Variants in TSPAN32 observed in about 807,000 individuals in gnomAD.
The protein encoded by TSPAN32 is tetraspanin 32.
A neutral mutation model predicts 42.7 loss-of-function variants in TSPAN32; 47 were observed. That is an observed-to-expected ratio of 1.10 (90% CI 0.87 to 1.40). TSPAN32 has a LOEUF of 1.40. Among genes scored for constraint, TSPAN32 ranks in the 40% most tolerant of loss-of-function variants. The pLI is 0.00. For missense variants in TSPAN32, 469 were observed against 424.1 expected, an observed-to-expected ratio of 1.11 and a Z score of -0.93; for synonymous variants, 175 against 175.9, an observed-to-expected ratio of 0.99 and a Z score of 0.04.
chr11:2,304,405 C>T lies in TSPAN32; in HGVS notation c.279+201C>T, dbSNP rs1049154475. Among the ~76,000 whole-genome samples the T allele has an allele frequency of 2.6e-5, 4 of 152,028 alleles. No homozygotes were observed. The highest frequency in any genetic ancestry group is 6.5e-5 in the Admixed American group (1 of 15,274). On this transcript the variant is annotated intron_variant, in intron 3 of 9. Transcript: ENST00000182290. This position sits in a 1 kb window ranked among gnomAD's most constrained non-coding sequence, Gnocchi z 4.8. ...GAAACAGAGGCCCCAGGGATGCTAG[C>T]CAGCCGAGACCCCCTACCTGGGTAG...
chr11:2,305,378 C>CCA (rs1554938646), intron 3 of TSPAN32, among the ~76,000 whole-genome samples: 2 of 151,414 alleles, frequency 1.3e-5, no homozygotes, highest in Non-Finnish European at 3.0e-5. Context: ...CTGCCCCCCC[C>CCA]CCCAGAGGGT....
chr11:2,315,035 G>GCGAGGCTGGAGGGTCGGCA (rs1554942189), intron 6 of TSPAN32: 2 of 165,488 alleles, frequency 1.2e-5, no homozygotes, highest in African/African-American at 4.4e-4. Flanking sequence ...AGGAGAAGAA[G>GCGAGGCTGGAGGGTCGGCA]TAGGCCAGGG....
At chr11:2,305,761 A>G (rs975740352) in intron 3 of TSPAN32, among the ~76,000 whole-genome samples, 7 of 152,102 alleles carry the variant, frequency 4.6e-5, no homozygotes, top group Admixed American at 6.5e-5. Flanking sequence ...GAGGCCCCCA[A>G]CTGGATGCCT....
chr11:2,309,500 A>G, intron 4 of TSPAN32: 2 of 392,644 alleles, frequency 5.1e-6, no homozygotes, highest in Non-Finnish European at 1.1e-5. Context: ...TCCCCTTGAG[A>G]GCCAGACCTG....
Position 2,317,565 on chromosome 11 carries a change from A to C in TSPAN32, c.901+40A>C. ...GCTGTCAGCCCTCATGGGATCCCTG[A>C]GGGGAGGGTCCGAGCTGTGAGGAGG... On this transcript the variant is annotated intron_variant, in intron 9 of 9. Coordinates refer to ENST00000182290, the MANE Select transcript of TSPAN32 (RefSeq NM_139022.3). This position sits in a 1 kb window ranked among gnomAD's most constrained non-coding sequence, Gnocchi z 6.2. 6.5e-7 allele frequency: 1 copy of C among 1,542,566 alleles called. No homozygotes were observed. Among genetic ancestry groups the C allele is most frequent in the Non-Finnish European group, 8.7e-7 (1 of 1,148,728 alleles).
In TSPAN32 at chr11:2,302,829, C is replaced by T. The variant is rs754676375; in HGVS notation, c.67-15C>T. 4 of 1,608,968 alleles carry T rather than the reference C, an allele frequency of 2.5e-6. No homozygotes were observed. The South Asian group carries it at 4.4e-5, about 18-fold the overall frequency. On this transcript the variant is annotated splice_polypyrimidine_tract_variant and intron_variant, in intron 1 of 9. Transcript: ENST00000182290. ...CAGTCCCATGCCCCACACTCTGAGT[C>T]TGCCCTATCCACAGCTGCTGGGCCT... is the stretch of plus-strand genomic sequence containing the variant.
chr11:2,312,075 G>C (rs1052203590), intron 4 of TSPAN32, among the ~76,000 whole-genome samples: 2 of 152,110 alleles, frequency 1.3e-5, no homozygotes, highest in Non-Finnish European at 2.9e-5. Flanking sequence ...GCCAGGCAGG[G>C]CAGGCAGAGC....
At chr11:2,302,251 G>A in intron 1 of TSPAN32, 36 bp downstream of exon 1, 1 of 1,379,172 alleles carries the variant, frequency 7.3e-7, no homozygotes, top group Non-Finnish European at 9.4e-7. Flanking sequence ...GGTGGTGGGT[G>A]GGGGTGAGCA....
In TSPAN32 at chr11:2,308,459, GC is replaced by G. The variant is rs1290833615; in HGVS notation, c.280-272del. ...AGTGACCAGCCCCCCGCAATGACCA[GC>G]CCCCAACAGTGACCAGCCCCCCATA... On this transcript the variant is annotated intron_variant, in intron 3 of 9. Coordinates refer to ENST00000182290, the MANE Select transcript of TSPAN32 (RefSeq NM_139022.3). Among the ~76,000 whole-genome samples the G allele has an allele frequency of 7.2e-3, 284 of 39,220 alleles. 76 individuals carry two copies. The highest frequency in any genetic ancestry group is 0.031 in the African/African-American group (261 of 8,334). 25.7% of individuals were successfully genotyped at this position (39,220 alleles called of 152,430 possible).
Position 2,308,769 on chromosome 11 carries a change from C to G in TSPAN32, c.313C>G (p.Gln105Glu). The stretch of plus-strand genomic sequence containing the variant: ...GTGCTTCTCCCTGGCGTTCTGCGCA[C>G]AGGTGCAGGTGGTGTTCTGGAGACT... ...FLCFSLAFCA[Q>E]VQVVFWRLHS... Residue 105 changes from glutamine to glutamate, a missense_variant, in exon 4 of 10, where the codon CAG becomes GAG. Physicochemically the swap from Gln to Glu is conservative, Grantham distance 29. Coordinates refer to ENST00000182290, the MANE Select transcript of TSPAN32 (RefSeq NM_139022.3). 1 of 1,573,702 alleles carries G rather than the reference C, an allele frequency of 6.4e-7. No homozygotes were observed. The highest frequency in any genetic ancestry group is 8.6e-7 in the Non-Finnish European group (1 of 1,159,558).
chr11:2,310,752 T>C (rs983288676), intron 4 of TSPAN32, among the ~76,000 whole-genome samples: 3 of 152,210 alleles, frequency 2.0e-5, no homozygotes, highest in Non-Finnish European at 4.4e-5. Flanking sequence ...AGACTCTTCC[T>C]CCTCACCTGC....
At chr11:2,315,809 C>T (rs531164210) in intron 6 of TSPAN32, 1 of 1,326,432 alleles carries the variant, frequency 7.5e-7, no homozygotes, top group Non-Finnish European at 9.9e-7. Flanking sequence ...ACCCCCCTCA[C>T]ACCCCTCCAC....
intron 6 of TSPAN32, chr11:2,315,071 G>A (rs1374095170): frequency 6.7e-6 from 2 of 300,074 alleles, no homozygotes; most frequent in Non-Finnish European, 1.2e-5. Flanking sequence ...AGCAACAACA[G>A]AGCGGGGCCC....
chr11:2,315,961 C>T lies in TSPAN32; in HGVS notation c.544-268C>T, dbSNP rs538340928. 431 of 1,530,024 alleles carry T rather than the reference C, an allele frequency of 2.8e-4. 3 individuals are homozygous for T. The East Asian group carries it at 5.9e-3, about 21-fold the overall frequency. The allele number at this position is 1,530,024 out of a possible 1,614,324, so 94.8% of individuals were successfully genotyped here. A position where few individuals can be genotyped will look rare whatever the true frequency, so the allele number is the denominator to read the frequency against. On this transcript the variant is annotated intron_variant, in intron 6 of 9. Coordinates refer to ENST00000182290, the MANE Select transcript of TSPAN32 (RefSeq NM_139022.3). Reference sequence around the variant, plus strand: ...GAGCCAACGTGTGGCCCAACATGGACGCTCAGGACAGCTGGGAGACGGCAC... The same window carrying T: ...GAGCCAACGTGTGGCCCAACATGGATGCTCAGGACAGCTGGGAGACGGCAC...
chr11:2,307,931 G>T (rs1261215658), intron 3 of TSPAN32, among the ~76,000 whole-genome samples: 1 of 152,174 alleles, frequency 6.6e-6, no homozygotes, highest in Non-Finnish European at 1.5e-5. Context: ...AGCCTCACCA[G>T]CACTGGGCTA....
At position 2,304,236 on chromosome 11, in the gene TSPAN32, C is replaced by A. The variant is rs1837058937; in HGVS notation, c.279+32C>A. The A allele has an allele frequency of 6.9e-7, 1 of 1,446,472 alleles. No homozygotes were observed. Among genetic ancestry groups the A allele is most frequent in the Non-Finnish European group, 9.3e-7 (1 of 1,076,608 alleles). 89.6% of individuals were successfully genotyped at this position (1,446,472 alleles called of 1,614,324 possible). A position where few individuals can be genotyped will look rare whatever the true frequency, so the allele number is the denominator to read the frequency against. The stretch of plus-strand genomic sequence containing the variant: ...TCATTGTGTTCCCAGATGCCCAGGC[C>A]CCCAGAAAAGAATTAGAAAGGAGTG... On this transcript the variant is annotated intron_variant, in intron 3 of 9. Transcript: ENST00000182290. This position sits in a 1 kb window ranked among gnomAD's most constrained non-coding sequence, Gnocchi z 4.8.
intron 3 of TSPAN32, among the ~76,000 whole-genome samples, chr11:2,305,472 C>T (rs1301744655): frequency 6.6e-6 from 1 of 152,096 alleles, no homozygotes; most frequent in Non-Finnish European, 1.5e-5. Context: ...AGCTGGAGGC[C>T]CAGAAAGAAC....
At chr11:2,314,357 G>C (rs1848655074) in intron 5 of TSPAN32, 128 bp from the exon 6 acceptor site, 2 of 760,274 alleles carry the variant, frequency 2.6e-6, no homozygotes, top group East Asian at 2.7e-5. Context: ...TGCAATACCA[G>C]TAGCCCCAGC....
intron 3 of TSPAN32, among the ~76,000 whole-genome samples, chr11:2,308,194 G>C (rs1007883816): frequency 6.6e-6 from 1 of 152,124 alleles, no homozygotes; most frequent in Non-Finnish European, 1.5e-5. Flanking sequence ...AAAAAGCGCA[G>C]GGGAAGGGGA....
Sources: gnomAD v4.1 joint callset for allele counts (sites outside exome capture counted in the v4.1 genomes callset) on GRCh38, gnomAD v4.1.1 for gene constraint, Gnocchi (gnomAD v3.1) non-coding constraint, MANE v1.5 for transcripts, NCBI Gene and HGNC (gene_info 2026-07-23, HGNC 2026-07-21) for gene names.